GMEB2: variants seen among roughly 807,000 people sequenced by gnomAD.
GMEB2 encodes the protein glucocorticoid modulatory element binding protein 2.
Under a neutral mutation model 45.7 loss-of-function variants are expected in GMEB2, and 7 were observed. The ratio of observed to expected loss-of-function variants is 0.15; its 90% CI spans 0.09 to 0.29. The LOEUF is 0.29. GMEB2 is among the 10% of genes least tolerant of loss of function. The pLI is 1.00. For missense variants in GMEB2, 582 were observed against 739.2 expected (o/e 0.79, Z 2.47); for synonymous variants, 322 against 323.6 (o/e 1.00, Z 0.05).
rs2089679585 is a variant in GMEB2 at position 63,626,958 on chromosome 20, G to C, written c.-60C>G. On this transcript the variant is annotated splice_region_variant and 5_prime_UTR_variant, in exon 1 of 10. Transcript: ENST00000370077. ...GCGGGCTCGCCGGCGCCGCTTACCT[G>C]GGGCCGCGCCGGGCCTGCTTAGGCA... The C allele has an allele frequency of 6.8e-6, 1 of 146,844 alleles. No individual in the cohort carries two copies. 9.1% of individuals were successfully genotyped at this position (146,844 alleles called of 1,614,324 possible). A position where few individuals can be genotyped will look rare whatever the true frequency, so the allele number is the denominator to read the frequency against.
At chr20:63,609,550 AC>A (rs1256060847) in intron 2 of GMEB2, among the ~76,000 whole-genome samples, 2 of 17,434 alleles carry the variant, frequency 1.1e-4, no homozygotes, top group African/African-American at 3.1e-4. Context: ...TGCCCCTCTG[AC>A]CTCACCTCCA....
Position 63,619,514 on chromosome 20 carries a change from A to ATC in GMEB2, c.-57-61_-57-60insGA. 2.0e-6 allele frequency: 2 copies of ATC among 1,006,688 alleles called. No individual in the cohort carries two copies. The highest frequency in any genetic ancestry group is 3.2e-5 in the African/African-American group (2 of 61,554). 62.4% of individuals were successfully genotyped at this position (1,006,688 alleles called of 1,614,324 possible). The stretch of plus-strand genomic sequence containing the variant: ...CATCTCCACATCCACACAACATAGC[A>ATC]CTCACAAAGGCATCTCTAATCAGCT... On this transcript the variant is annotated intron_variant, in intron 1 of 9. Transcript: ENST00000370077. The surrounding 1 kb of genome is among the most constrained non-coding windows in gnomAD (Gnocchi z 4.6).
Position 63,592,586 on chromosome 20 carries a change from T to G in GMEB2, c.776A>C (p.Glu259Ala). The G allele has an allele frequency of 6.2e-7, 1 of 1,612,616 alleles. No homozygotes were observed. Reference sequence around the variant, plus strand: ...CCGCTGCTGCAGGCCTCTCATGGTCTCCACCAGCTCCTGGTGGAACTCCTG... The same window carrying G: ...CCGCTGCTGCAGGCCTCTCATGGTCGCCACCAGCTCCTGGTGGAACTCCTG... ...VIQEFHQELVETMRGLQQRVQ... is the reference protein window; with the variant it reads ...VIQEFHQELVATMRGLQQRVQ... The change falls in exon 8 of 10, where the codon GAG becomes GCG. Residue 259 changes from glutamate (E) to alanine (A), a missense_variant. Transcript: ENST00000370077. This position sits in a 1 kb window ranked among gnomAD's most constrained non-coding sequence, Gnocchi z 8.2.
At chr20:63,600,963 T>C (rs1408178845) in intron 4 of GMEB2, among the ~76,000 whole-genome samples, 2 of 152,116 alleles carry the variant, frequency 1.3e-5, no homozygotes, top group Non-Finnish European at 2.9e-5. Context: ...GATGGATCGC[T>C]GGGTTAAGGA....
chr20:63,606,647 A>G (rs1241614971), intron 2 of GMEB2, among the ~76,000 whole-genome samples: 3 of 152,170 alleles, frequency 2.0e-5, no homozygotes, highest in African/African-American at 7.2e-5. Flanking sequence ...GCGCCCAGCC[A>G]CCACAAACAA....
chr20:63,609,862 C>A (rs1454353920), intron 2 of GMEB2, among the ~76,000 whole-genome samples: 3 of 138,198 alleles, frequency 2.2e-5, no homozygotes, highest in Admixed American at 1.4e-4. Context: ...CTGACCTCAC[C>A]TCCATTTCTA....
chr20:63,614,945 G>T (rs144232075), intron 2 of GMEB2, among the ~76,000 whole-genome samples: 3 of 152,044 alleles, frequency 2.0e-5, no homozygotes, highest in Non-Finnish European at 2.9e-5. Context: ...ATTCGGGGCC[G>T]CTACCAGTCT....
intron 2 of GMEB2, among the ~76,000 whole-genome samples, chr20:63,614,846 G>A (rs936129811): frequency 6.6e-6 from 1 of 152,162 alleles, no homozygotes; most frequent in African/African-American, 2.4e-5. Context: ...GTGGGCACGT[G>A]ACCCACATGA....
At chr20:63,601,803 T>TG (rs1356093134) in intron 4 of GMEB2, among the ~76,000 whole-genome samples, 1 of 151,984 alleles carries the variant, frequency 6.6e-6, no homozygotes, top group African/African-American at 2.4e-5. Context: ...GTGGCTTCTG[T>TG]GGGGCCTGTG....
rs140508139 is a variant in GMEB2 at position 63,592,600 on chromosome 20, G to C, written c.762C>G (p.His254Gln). The change falls in exon 8 of 10, where the codon CAC becomes CAG. Residue 254 changes from histidine (H) to glutamine (Q), a missense_variant. Physicochemically the swap from His to Gln is conservative, Grantham distance 24. Around this residue, in one of 3 missense-constraint regions of GMEB2, gnomAD observed 462 missense variants for 586.7 expected, o/e 0.79. Transcript: ENST00000370077. This position sits in a 1 kb window ranked among gnomAD's most constrained non-coding sequence, Gnocchi z 8.2. Reference protein sequence around the residue: ...GLLDEVIQEFHQELVETMRGL... With the variant: ...GLLDEVIQEFQQELVETMRGL... Reference sequence around the variant, plus strand: ...CTCTCATGGTCTCCACCAGCTCCTGGTGGAACTCCTGGATGACCTCGTCCA... The same window carrying C: ...CTCTCATGGTCTCCACCAGCTCCTGCTGGAACTCCTGGATGACCTCGTCCA... The C allele has an allele frequency of 1.8e-4, 294 of 1,612,002 alleles. No individual in the cohort carries two copies. The highest frequency in any genetic ancestry group is 1.8e-4 in the Non-Finnish European group (217 of 1,178,272).
At chr20:63,595,490 G>C in intron 6 of GMEB2, 120 bp downstream of exon 6, 3 of 832,802 alleles carry the variant, frequency 3.6e-6, no homozygotes, top group Non-Finnish European at 5.5e-6. Context: ...CCAGGCAGGA[G>C]ACCGGCAGTC....
At chr20:63,620,789 A>G (rs1287578687) in intron 1 of GMEB2, among the ~76,000 whole-genome samples, 1 of 152,236 alleles carries the variant, frequency 6.6e-6, no homozygotes, top group East Asian at 1.9e-4. Flanking sequence ...GTGAAACTTA[A>G]AACAAGACCT....
At position 63,595,778 on chromosome 20, in the gene GMEB2, C is replaced by A; in HGVS notation, c.462-11G>T. 6.2e-7 allele frequency: 1 copy of A among 1,613,708 alleles called. No individual in the cohort carries two copies. Among genetic ancestry groups the A allele is most frequent in the Non-Finnish European group, 8.5e-7 (1 of 1,179,682 alleles). On this transcript the variant is annotated splice_polypyrimidine_tract_variant and intron_variant, in intron 5 of 9. Transcript: ENST00000370077. ...GAGTCCATGATCTTCCTGTGACAGACAGTGGCATGGAGCGTCCAGGTCGGC... is the reference window on the plus strand; with the variant it reads ...GAGTCCATGATCTTCCTGTGACAGAAAGTGGCATGGAGCGTCCAGGTCGGC...
Position 63,604,797 on chromosome 20 carries a change from C to CAA in GMEB2, c.174_175insTT (p.Ala59LeufsTer19). ...GCTGTGAAGGCCGCGGCAGCTGCTGCCGCTGCATTTTCTGTCTCCATGTTA... is the reference window on the plus strand; with the variant it reads ...GCTGTGAAGGCCGCGGCAGCTGCTGCAACGCTGCATTTTCTGTCTCCATGTTA... On this transcript the variant is annotated frameshift_variant, in exon 3 of 10. Coordinates refer to ENST00000370077, the MANE Select transcript of GMEB2 (RefSeq NM_012384.5). LOFTEE classifies it high-confidence loss of function. The CAA allele has an allele frequency of 6.2e-7, 1 of 1,612,270 alleles. No individual in the cohort carries two copies. Among genetic ancestry groups the CAA allele is most frequent in the Non-Finnish European group, 8.5e-7 (1 of 1,178,422 alleles).
At chr20:63,616,477 G>A (rs954528828) in intron 2 of GMEB2, among the ~76,000 whole-genome samples, 3 of 152,206 alleles carry the variant, frequency 2.0e-5, no homozygotes, top group African/African-American at 7.2e-5. Context: ...CACGTGAATA[G>A]GCTCCTCATG....
At chr20:63,600,857 A>C (rs2083236717) in intron 4 of GMEB2, among the ~76,000 whole-genome samples, 1 of 152,078 alleles carries the variant, frequency 6.6e-6, no homozygotes, top group Non-Finnish European at 1.5e-5. Flanking sequence ...TCTCATGAGT[A>C]GAGTCAGGCT....
intron 4 of GMEB2, among the ~76,000 whole-genome samples, chr20:63,598,444 A>G (rs1197436696): frequency 6.6e-6 from 1 of 152,140 alleles, no homozygotes; most frequent in African/African-American, 2.4e-5. Flanking sequence ...AGAGAAACTG[A>G]GAAGGTAAAA....
intron 4 of GMEB2, among the ~76,000 whole-genome samples, chr20:63,599,038 C>T (rs2083221193): frequency 6.6e-6 from 1 of 152,216 alleles, no homozygotes; most frequent in African/African-American, 2.4e-5. Flanking sequence ...TAGGAAGCTA[C>T]ATGCTGTACT....
chr20:63,606,603 T>G (rs1364449442), intron 2 of GMEB2, among the ~76,000 whole-genome samples: 1 of 152,192 alleles, frequency 6.6e-6, no homozygotes, highest in African/African-American at 2.4e-5. Context: ...CACCTCGGCC[T>G]ACCAAAGTGC....
Sources: gnomAD v4.1 joint callset for allele counts (sites outside exome capture counted in the v4.1 genomes callset) on GRCh38, gnomAD v4.1.1 for gene constraint, gnomAD v4.1.1 regional missense constraint, Gnocchi (gnomAD v3.1) non-coding constraint, MANE v1.5 for transcripts, NCBI Gene and HGNC (gene_info 2026-07-23, HGNC 2026-07-21) for gene names.